Variants in HSD17B12 observed in about 807,000 individuals in gnomAD.
HSD17B12 encodes the protein hydroxysteroid 17-beta dehydrogenase 12.
A neutral mutation model predicts 39.3 loss-of-function variants in HSD17B12; 32 were observed. The ratio of observed to expected loss-of-function variants is 0.81; its 90% CI spans 0.61 to 1.09. The LOEUF (loss-of-function observed/expected upper bound fraction) is 1.09, where lower values mean the gene tolerates loss of function less well. HSD17B12 is among the 50% of genes least tolerant of loss of function. HSD17B12 has a pLI of 0.00. For synonymous variants in HSD17B12, 150 were observed against 146.7 expected (o/e 1.02, Z -0.16); for missense variants, 342 against 382.9 (o/e 0.89, Z 0.89).
chr11:43,718,795 C>A, intron 1 of HSD17B12: 1 of 958,036 alleles, frequency 1.0e-6, no homozygotes, highest in Non-Finnish European at 1.7e-6. Flanking sequence ...AAAAGAAGAC[C>A]CGCACGTCAC....
the HSD17B12 span, among the ~76,000 whole-genome samples, chr11:43,558,511 G>A: frequency 3.3e-5 from 5 of 152,022 alleles, no homozygotes; most frequent in Non-Finnish European, 5.9e-5. Flanking sequence ...TTCTAGGAAA[G>A]CTGAATCACC....
chr11:43,597,424 G>T, the HSD17B12 span, among the ~76,000 whole-genome samples: 2 of 152,230 alleles, frequency 1.3e-5, no homozygotes, highest in African/African-American at 4.8e-5. Flanking sequence ...TTAGGTGCCA[G>T]ATTGTAGAGG....
chr11:43,604,659 T>C, the HSD17B12 span, among the ~76,000 whole-genome samples: 1 of 152,206 alleles, frequency 6.6e-6, no homozygotes, highest in Non-Finnish European at 1.5e-5. Context: ...TGAGTTAGTC[T>C]AATGCTGTGA....
At chr11:43,714,533 A>G (rs1950102092) in intron 1 of HSD17B12, among the ~76,000 whole-genome samples, 1 of 152,090 alleles carries the variant, frequency 6.6e-6, no homozygotes, top group Non-Finnish European at 1.5e-5. Flanking sequence ...GTAGCCTTGT[A>G]GTATAGTTTG....
chr11:43,753,573 A>AAT (rs1296145844), intron 2 of HSD17B12, among the ~76,000 whole-genome samples: 66 of 140,894 alleles, frequency 4.7e-4, no homozygotes, highest in African/African-American at 1.7e-3. Context: ...AAAAAAAAAA[A>AAT]TTTTTTTTTT....
At chr11:43,578,397 G>T in the HSD17B12 span, among the ~76,000 whole-genome samples, 1 of 152,172 alleles carries the variant, frequency 6.6e-6, no homozygotes, top group African/African-American at 2.4e-5. Context: ...GGTGAGTTAT[G>T]TTTAGCTCAG....
intron 1 of HSD17B12, chr11:43,718,796 C>T (rs555459812): frequency 2.5e-4 from 241 of 958,388 alleles, no homozygotes; most frequent in East Asian, 6.0e-4. Flanking sequence ...AAAGAAGACC[C>T]GCACGTCACC....
chr11:43,720,516 T>C (rs1313089369), intron 1 of HSD17B12, among the ~76,000 whole-genome samples: 1 of 152,218 alleles, frequency 6.6e-6, no homozygotes, highest in African/African-American at 2.4e-5. Context: ...CAACTGACTT[T>C]CCACTTTTTC....
At chr11:43,717,609 T>C (rs561999960) in intron 1 of HSD17B12, among the ~76,000 whole-genome samples, 1 of 152,134 alleles carries the variant, frequency 6.6e-6, no homozygotes, top group Admixed American at 6.6e-5. Context: ...CACCTCCATG[T>C]CTGGGGCCTT....
chr11:43,830,808 C>T (rs748937985), intron 6 of HSD17B12, 168 bp from the exon 7 acceptor site: 54 of 458,712 alleles, frequency 1.2e-4, no homozygotes, highest in Non-Finnish European at 1.8e-4. Context: ...CTTTTTATGC[C>T]CTCTTGACAC....
At chr11:43,629,418 A>G in the HSD17B12 span, among the ~76,000 whole-genome samples, 1 of 152,172 alleles carries the variant, frequency 6.6e-6, no homozygotes, top group Non-Finnish European at 1.5e-5. Flanking sequence ...GAGAGCTACT[A>G]TTACATTTTT....
At chr11:43,592,077 A>C in the HSD17B12 span, among the ~76,000 whole-genome samples, 1 of 152,058 alleles carries the variant, frequency 6.6e-6, no homozygotes, top group Non-Finnish European at 1.5e-5. Context: ...TTTTTAAACT[A>C]ATTTTATTTT....
At chr11:43,673,841 A>G in the HSD17B12 span, among the ~76,000 whole-genome samples, 1 of 152,042 alleles carries the variant, frequency 6.6e-6, no homozygotes, top group Non-Finnish European at 1.5e-5. Flanking sequence ...GCTTTCTCTG[A>G]GCTAGTTCTG....
In HSD17B12 at chr11:43,827,850, A is replaced by G. The variant is rs1951261150; in HGVS notation, c.502-3126A>G. Among the ~76,000 whole-genome samples the G allele has an allele frequency of 4.6e-5, 7 of 152,320 alleles. No homozygotes were observed. In the South Asian group the frequency reaches 1.5e-3, roughly 32 times the overall value. Reference sequence around the variant, plus strand: ...GTAAATATTTTACTCTTGACATTGAATCAAATTCTAAATTTAGCTGTCATC... The same window carrying G: ...GTAAATATTTTACTCTTGACATTGAGTCAAATTCTAAATTTAGCTGTCATC... On this transcript the variant is annotated intron_variant, in intron 6 of 10. Coordinates refer to ENST00000278353, the MANE Select transcript of HSD17B12 (RefSeq NM_016142.3).
At chr11:43,714,226 A>G (rs2134844273) in intron 1 of HSD17B12, among the ~76,000 whole-genome samples, 1 of 152,298 alleles carries the variant, frequency 6.6e-6, no homozygotes, top group South Asian at 2.1e-4. Context: ...GGTATTGCCT[A>G]GGTTTTCTTC....
chr11:43,772,926 T>A (rs529367935), intron 3 of HSD17B12, among the ~76,000 whole-genome samples: 5 of 152,036 alleles, frequency 3.3e-5, no homozygotes, highest in Non-Finnish European at 7.4e-5. Context: ...GCCTGGGCAA[T>A]ATAGTGAGAC....
At chr11:43,836,858 A>G (rs1319313885) in intron 7 of HSD17B12, among the ~76,000 whole-genome samples, 3 of 152,190 alleles carry the variant, frequency 2.0e-5, no homozygotes, top group African/African-American at 7.2e-5. Flanking sequence ...TAAAAAGAAA[A>G]GACTTTTCTG....
the HSD17B12 span, among the ~76,000 whole-genome samples, chr11:43,661,835 A>G: frequency 6.6e-6 from 1 of 152,254 alleles, no homozygotes; most frequent in African/African-American, 2.4e-5. Context: ...AAATTATGAT[A>G]TGGAAAAATG....
intron 3 of HSD17B12, among the ~76,000 whole-genome samples, chr11:43,796,653 G>T (rs1293617251): frequency 1.3e-5 from 2 of 152,206 alleles, no homozygotes; most frequent in Non-Finnish European, 2.9e-5. Context: ...CCTGTGAGAT[G>T]CAGAAGAGTG....
Sources: gnomAD v4.1 joint callset for allele counts (sites outside exome capture counted in the v4.1 genomes callset) on GRCh38, gnomAD v4.1.1 for gene constraint, MANE v1.5 for transcripts, NCBI Gene and HGNC (gene_info 2026-07-23, HGNC 2026-07-21) for gene names.